The following SLC39A9 variants were observed in gnomAD, a reference collection of about 807,000 sequenced individuals.
SLC39A9 encodes the protein solute carrier family 39 member 9.
In SLC39A9, 14 loss-of-function variants were observed where a neutral mutation model predicts 28.4. The ratio of observed to expected loss-of-function variants is 0.49; its 90% CI spans 0.33 to 0.77. The LOEUF (loss-of-function observed/expected upper bound fraction) is 0.77, where lower values mean the gene tolerates loss of function less well. SLC39A9 is among the 30% of genes least tolerant of loss of function. The pLI, the probability that SLC39A9 is intolerant of heterozygous loss-of-function variation, is 0.02. For synonymous variants in SLC39A9, 119 were observed against 149.6 expected (o/e 0.80, Z 1.49); for missense variants, 283 against 381.1 (o/e 0.74, Z 2.14).
intron 1 of SLC39A9, among the ~76,000 whole-genome samples, chr14:69,419,626 G>T (rs1219134297): frequency 1.3e-5 from 2 of 152,158 alleles, no homozygotes; most frequent in African/African-American, 2.4e-5. Flanking sequence ...TTATTATTGT[G>T]TGGAAGTCTC....
At chr14:69,419,998 TTTAAGA>T (rs1378528564) in intron 1 of SLC39A9, among the ~76,000 whole-genome samples, 1 of 152,236 alleles carries the variant, frequency 6.6e-6, no homozygotes, top group African/African-American at 2.4e-5. Flanking sequence ...CCCATTTACA[TTTAAGA>T]TTAATATTGT....
chr14:69,418,098 G>A (rs1395135616), intron 1 of SLC39A9, among the ~76,000 whole-genome samples: 6 of 152,162 alleles, frequency 3.9e-5, no homozygotes, highest in Admixed American at 3.9e-4. Context: ...GATATTGGCT[G>A]TGGGTTTGTC....
intron 3 of SLC39A9, among the ~76,000 whole-genome samples, chr14:69,450,194 A>G (rs1196636782): frequency 7.6e-6 from 1 of 131,434 alleles, no homozygotes; most frequent in Non-Finnish European, 1.7e-5. Context: ...ATCTCAAAAT[A>G]AAAAAAAAAG....
At chr14:69,422,577 C>G (rs747422913) in intron 1 of SLC39A9, among the ~76,000 whole-genome samples, 26 of 151,938 alleles carry the variant, frequency 1.7e-4, no homozygotes, top group Non-Finnish European at 3.5e-4. Flanking sequence ...GCCTGGCTCT[C>G]CTTGCCGGTT....
chr14:69,449,671 C>T (rs1885511182), intron 3 of SLC39A9, among the ~76,000 whole-genome samples: 1 of 152,174 alleles, frequency 6.6e-6, no homozygotes, highest in African/African-American at 2.4e-5. Flanking sequence ...GAATTTCACA[C>T]TTGTGAACCT....
chr14:69,420,966 T>A (rs964376479), intron 1 of SLC39A9, among the ~76,000 whole-genome samples: 1 of 152,222 alleles, frequency 6.6e-6, no homozygotes, highest in African/African-American at 2.4e-5. Context: ...AGAAGTTTGT[T>A]TTTACTGACC....
intron 3 of SLC39A9, among the ~76,000 whole-genome samples, chr14:69,446,947 TAGAGAGAG>T (rs1213461172): frequency 7.7e-6 from 1 of 129,352 alleles, no homozygotes. Flanking sequence ...TATATATATA[TAGAGAGAG>T]AGAGAGAGAG....
chr14:69,437,441 TG>T (rs1406631536), intron 2 of SLC39A9, among the ~76,000 whole-genome samples: 1 of 152,222 alleles, frequency 6.6e-6, no homozygotes, highest in Non-Finnish European at 1.5e-5. Flanking sequence ...CTGAAGTAGT[TG>T]TTTTTTGGTG....
At chr14:69,400,061 C>CAAAAAAGAAA (rs1882545443) in intron 1 of SLC39A9, among the ~76,000 whole-genome samples, 1 of 149,568 alleles carries the variant, frequency 6.7e-6, no homozygotes, top group African/African-American at 2.5e-5. Flanking sequence ...ATCCTGTCTC[C>CAAAAAAGAAA]AAAAAAGAAA....
At chr14:69,431,526 T>C (rs1438409619) in intron 2 of SLC39A9, among the ~76,000 whole-genome samples, 2 of 151,968 alleles carry the variant, frequency 1.3e-5, no homozygotes, top group African/African-American at 4.8e-5. Context: ...AATATGAGGT[T>C]AGATATAGGT....
intron 3 of SLC39A9, among the ~76,000 whole-genome samples, chr14:69,444,702 A>G (rs575664950): frequency 6.6e-6 from 1 of 152,248 alleles, no homozygotes; most frequent in Non-Finnish European, 1.5e-5. Context: ...AGATTATTCA[A>G]TGCAGCATTA....
intron 1 of SLC39A9, among the ~76,000 whole-genome samples, chr14:69,416,588 G>A (rs546993558): frequency 1.3e-3 from 197 of 152,276 alleles, no homozygotes; most frequent in African/African-American, 4.4e-3. Flanking sequence ...ACTCCCACCA[G>A]CAGTGTAAAA....
chr14:69,449,033 T>C (rs1885476877), intron 3 of SLC39A9, among the ~76,000 whole-genome samples: 1 of 152,230 alleles, frequency 6.6e-6, no homozygotes, highest in Non-Finnish European at 1.5e-5. Context: ...TTTAAAATTA[T>C]TTCCAAATTA....
At chr14:69,424,362 C>A (rs182994299) in intron 2 of SLC39A9, among the ~76,000 whole-genome samples, 160 bp downstream of exon 2, 1 of 152,084 alleles carries the variant, frequency 6.6e-6, no homozygotes, top group Non-Finnish European at 1.5e-5. Flanking sequence ...GATATTGACA[C>A]ATCCTTAGCA....
chr14:69,398,596 G>A (rs1372502022), upstream of SLC39A9: 1 of 310,412 alleles, frequency 3.2e-6, no homozygotes, highest in Non-Finnish European at 6.1e-6. Context: ...CTCAAAAATG[G>A]CGGCAACGTA....
In SLC39A9 at chr14:69,399,392, G is replaced by T. The variant is rs372750816; in HGVS notation, c.23G>T (p.Ser8Ile). The change falls in exon 1 of 7, where the codon AGC becomes ATC. Residue 8 changes from serine (S) to isoleucine (I), a missense_variant. Physicochemically the swap from Ser to Ile is moderately radical, Grantham distance 142. Transcript: ENST00000336643. MDDFISI[S>I]LLSLAMLVGC... ...AGAATGGATGATTTCATCTCCATTA[G>T]CCTGCTGTCTCTGGCTATGTTGGTG... is the stretch of plus-strand genomic sequence containing the variant. 6.8e-6 allele frequency: 11 copies of T among 1,614,010 alleles called. No homozygotes were observed. The highest frequency in any genetic ancestry group is 2.7e-5 in the African/African-American group (2 of 74,932).
chr14:69,410,424 C>T (rs1439670646), intron 1 of SLC39A9, among the ~76,000 whole-genome samples: 1 of 152,076 alleles, frequency 6.6e-6, no homozygotes, highest in Non-Finnish European at 1.5e-5. Context: ...GCTAAGTGCA[C>T]TAATATATCC....
chr14:69,439,858 GCTT>G (rs1379231428), intron 2 of SLC39A9, among the ~76,000 whole-genome samples: 1 of 152,122 alleles, frequency 6.6e-6, no homozygotes, highest in African/African-American at 2.4e-5. Context: ...TCAGATTCGT[GCTT>G]CTTGGACAGC....
chr14:69,433,497 T>C (rs1401268501), intron 2 of SLC39A9, among the ~76,000 whole-genome samples: 1 of 152,202 alleles, frequency 6.6e-6, no homozygotes, highest in African/African-American at 2.4e-5. Flanking sequence ...AGAGAATATA[T>C]AAAATCAATA....
Sources: allele counts gnomAD v4.1 joint callset (sites outside exome capture counted in the v4.1 genomes callset), GRCh38; gene constraint gnomAD v4.1.1; transcripts MANE v1.5; gene names NCBI Gene and HGNC (gene_info 2026-07-23, HGNC 2026-07-21).